The following CCBE1 variants were observed in gnomAD, a reference collection of about 807,000 sequenced individuals.
The protein encoded by CCBE1 is collagen and calcium-binding EGF domain-containing protein 1.
A neutral mutation model predicts 50.0 loss-of-function variants in CCBE1; 37 were observed. The ratio of observed to expected loss-of-function variants is 0.74; its 90% CI spans 0.57 to 0.97. CCBE1 has a LOEUF of 0.97. Among genes scored for constraint, CCBE1 ranks in the 50% least tolerant of loss-of-function variants. The pLI is 0.00. For synonymous variants in CCBE1, 234 were observed against 203.7 expected (o/e 1.15, Z -1.27); for missense variants, 538 against 523.8 (o/e 1.03, Z -0.26).
At chr18:59,663,728 G>A (rs1197373400) in intron 2 of CCBE1, among the ~76,000 whole-genome samples, 1 of 152,166 alleles carries the variant, frequency 6.6e-6, no homozygotes, top group Non-Finnish European at 1.5e-5. Context: ...CAAGAGATAA[G>A]CTGAGTGGCA....
At chr18:59,553,521 G>A (rs186159535) in intron 2 of CCBE1, among the ~76,000 whole-genome samples, 330 of 152,310 alleles carry the variant, frequency 2.2e-3, no homozygotes, top group African/African-American at 7.5e-3. Context: ...AGTCGTAGCT[G>A]CTGGGAAATG....
chr18:59,597,054 A>T (rs2053362312), intron 2 of CCBE1, among the ~76,000 whole-genome samples: 1 of 152,246 alleles, frequency 6.6e-6, no homozygotes, highest in South Asian at 2.1e-4. Flanking sequence ...ACATGCATTT[A>T]ATCTTGAGCT....
chr18:59,487,174 G>T (rs550467621), intron 2 of CCBE1, among the ~76,000 whole-genome samples: 16 of 149,542 alleles, frequency 1.1e-4, no homozygotes, highest in Non-Finnish European at 1.5e-5. Context: ...CCTAAATGGA[G>T]ACTTCCGAGA....
chr18:59,640,451 C>G lies in CCBE1; in HGVS notation c.212+56178G>C, dbSNP rs114310184. On this transcript the variant is annotated intron_variant, in intron 2 of 10. Coordinates refer to ENST00000439986, the MANE Select transcript of CCBE1 (RefSeq NM_133459.4). ...CATATGCAGAAGACTGAAATTGGAC[C>G]CCTTCATTACACATATACAAAAATC... Among the ~76,000 whole-genome samples the G allele has an allele frequency of 5.1e-3, 770 of 152,144 alleles. 9 individuals are homozygous for G. Among genetic ancestry groups the G allele is most frequent in the African/African-American group, 0.018 (741 of 41,500 alleles).
At chr18:59,470,172 A>G (rs1911962933) in intron 3 of CCBE1, among the ~76,000 whole-genome samples, 1 of 152,218 alleles carries the variant, frequency 6.6e-6, no homozygotes, top group South Asian at 2.1e-4. Context: ...TCACAGTTCC[A>G]CATAGCTGGG....
chr18:59,697,145 C>T (rs1420565240), intron 1 of CCBE1, 67 bp downstream of exon 1: 5 of 1,543,876 alleles, frequency 3.2e-6, no homozygotes, highest in Admixed American at 3.9e-5. Context: ...GGAGGACCGC[C>T]CGCACCCCGC....
intron 3 of CCBE1, among the ~76,000 whole-genome samples, chr18:59,472,116 T>G (rs1912062205): frequency 6.6e-6 from 1 of 152,222 alleles, no homozygotes; most frequent in South Asian, 2.1e-4. Context: ...TGGTAGCCCC[T>G]CCTCAAAGGT....
chr18:59,505,953 G>T (rs189995301), intron 2 of CCBE1, among the ~76,000 whole-genome samples: 194 of 152,372 alleles, frequency 1.3e-3, no homozygotes, highest in African/African-American at 4.5e-3. Context: ...AGGGTGTTGG[G>T]AACCATGGCG....
chr18:59,583,963 C>CA (rs1467729884), intron 2 of CCBE1, among the ~76,000 whole-genome samples: 5 of 152,092 alleles, frequency 3.3e-5, no homozygotes, highest in Admixed American at 3.3e-4. Context: ...GGATCTAGAA[C>CA]AAGAAATACC....
chr18:59,495,155 T>C (rs963364059), intron 2 of CCBE1, among the ~76,000 whole-genome samples: 3 of 152,162 alleles, frequency 2.0e-5, no homozygotes, highest in African/African-American at 7.2e-5. Flanking sequence ...TAATTCCTTC[T>C]AGCTCATGTT....
chr18:59,607,136 T>C (rs977000053), intron 2 of CCBE1, among the ~76,000 whole-genome samples: 4 of 151,832 alleles, frequency 2.6e-5, no homozygotes, highest in Admixed American at 6.6e-5. Flanking sequence ...TACTTACTCT[T>C]GAAAACAAAG....
rs1915110022 is a variant in CCBE1, at chr18:59,532,992, A to T, written c.213-52754T>A. 3.9e-5 allele frequency among the ~76,000 whole-genome samples: 6 copies of T among 152,308 alleles called. No homozygotes were observed. The South Asian group carries it at 1.2e-3, about 32-fold the overall frequency. On this transcript the variant is annotated intron_variant, in intron 2 of 10. Transcript: ENST00000439986. ...CTCTCACGGAGTATGGAGAGTGAGG[A>T]ACCAGAATGAGAAGGTCAACATAAA...
chr18:59,525,146 C>G (rs1370869362), intron 2 of CCBE1, among the ~76,000 whole-genome samples: 1 of 152,244 alleles, frequency 6.6e-6, no homozygotes, highest in African/African-American at 2.4e-5. Context: ...TTTGAGGAAT[C>G]ATTTCACTGT....
intron 2 of CCBE1, among the ~76,000 whole-genome samples, chr18:59,643,996 G>T (rs1352153020): frequency 1.3e-5 from 2 of 152,190 alleles, no homozygotes; most frequent in African/African-American, 4.8e-5. Context: ...CACAGGATTA[G>T]CAGTCTATGG....
In CCBE1 at chr18:59,432,451, C is replaced by T. The variant is rs1455444163; in HGVS notation, c.*3457G>A. The T allele has an allele frequency of 6.6e-6, 1 of 152,134 alleles. No individual in the cohort carries two copies. The highest frequency in any genetic ancestry group is 1.5e-5 in the Non-Finnish European group (1 of 68,030). 9.4% of individuals were successfully genotyped at this position (152,134 alleles called of 1,614,324 possible). On this transcript the variant is annotated 3_prime_UTR_variant, in exon 11 of 11. Transcript: ENST00000439986. ...AGAAGCACTGTTACAAATCTTACCC[C>T]AGAAATAGCTTTCCCATTAGGTTTT...
chr18:59,442,285 G>A (rs759369798), intron 7 of CCBE1, among the ~76,000 whole-genome samples: 3 of 152,206 alleles, frequency 2.0e-5, no homozygotes, highest in Non-Finnish European at 4.4e-5. Context: ...GTCGATACGG[G>A]CTTCTGAAAG....
At chr18:59,510,275 G>T (rs188345853) in intron 2 of CCBE1, among the ~76,000 whole-genome samples, 256 of 152,280 alleles carry the variant, frequency 1.7e-3, no homozygotes, top group African/African-American at 5.9e-3. Context: ...AGGGAGCAGG[G>T]TGCTATGTTT....
At chr18:59,443,206 C>T (rs1391628889) in intron 7 of CCBE1, among the ~76,000 whole-genome samples, 2 of 152,134 alleles carry the variant, frequency 1.3e-5, no homozygotes, top group African/African-American at 2.4e-5. Flanking sequence ...TGTAAACAGC[C>T]GCTTTGTATT....
chr18:59,664,967 G>A (rs570111335), intron 2 of CCBE1, among the ~76,000 whole-genome samples: 1 of 152,094 alleles, frequency 6.6e-6, no homozygotes, highest in Non-Finnish European at 1.5e-5. Flanking sequence ...ATTCTTCACT[G>A]CCCTCCCCTC....
Sources: gnomAD v4.1 joint callset for allele counts (sites outside exome capture counted in the v4.1 genomes callset) on GRCh38, gnomAD v4.1.1 for gene constraint, MANE v1.5 for transcripts, NCBI Gene and HGNC (gene_info 2026-07-23, HGNC 2026-07-21) for gene names.